The following COL4A2 variants were observed in gnomAD, a reference collection of about 807,000 sequenced individuals.
The protein encoded by COL4A2 is collagen type IV alpha 2 chain.
Under a neutral mutation model 200.2 loss-of-function variants are expected in COL4A2, and 99 were observed. The ratio of observed to expected loss-of-function variants is 0.49; its 90% CI spans 0.42 to 0.58. The LOEUF (loss-of-function observed/expected upper bound fraction) is 0.58. Among genes scored for constraint, COL4A2 ranks in the 20% least tolerant of loss-of-function variants. The pLI is 0.00. For synonymous variants in COL4A2, 897 were observed against 900.6 expected, an observed-to-expected ratio of 1.00 and a Z score of 0.07; for missense variants, 1,950 against 2,314.1, an observed-to-expected ratio of 0.84 and a Z score of 3.23.
chr13:110,385,242 A>G (rs1878641787), intron 4 of COL4A2, among the ~76,000 whole-genome samples: 3 of 152,084 alleles, frequency 2.0e-5, no homozygotes, highest in Non-Finnish European at 4.4e-5. Context: ...AGCCTGGGCA[A>G]CAGAGTGAGA....
At chr13:110,510,752 CTT>C (rs1161269760) in intron 47 of COL4A2, among the ~76,000 whole-genome samples, 2 of 152,244 alleles carry the variant, frequency 1.3e-5, no homozygotes, top group African/African-American at 4.8e-5. Context: ...GCCTCTAAGA[CTT>C]CTCACATTGT....
At chr13:110,496,207 C>T (rs1883448474) in intron 40 of COL4A2, among the ~76,000 whole-genome samples, 1 of 152,228 alleles carries the variant, frequency 6.6e-6, no homozygotes, top group Non-Finnish European at 1.5e-5. Flanking sequence ...CTGAGTTTTT[C>T]TAGTGCCAAT....
In COL4A2 at chr13:110,491,297, C is replaced by A; in HGVS notation, c.3411C>A (p.Gly1137=). ...ACATCGGCTTCCCTGGGATAACAGGCGTGACTGGAGTCCAAGGCCCTCCTG... is the reference window on the plus strand; with the variant it reads ...ACATCGGCTTCCCTGGGATAACAGGAGTGACTGGAGTCCAAGGCCCTCCTG... ...EGDIGFPGIT[G]VTGVQGPPGL... Residue 1137 remains glycine (G), a synonymous_variant, in exon 37 of 48, where the codon GGC becomes GGA. Coordinates refer to ENST00000360467, the MANE Select transcript of COL4A2 (RefSeq NM_001846.4). The A allele has an allele frequency of 1.3e-6, 2 of 1,598,520 alleles. No homozygotes were observed. Among genetic ancestry groups the A allele is most frequent in the East Asian group, 2.3e-5 (1 of 44,326 alleles).
At chr13:110,483,835 C>CTTGGTGCAACAA (rs1019096978) in intron 32 of COL4A2, among the ~76,000 whole-genome samples, 3 of 152,196 alleles carry the variant, frequency 2.0e-5, no homozygotes, top group Non-Finnish European at 4.4e-5. Flanking sequence ...TCAAGTTAGA[C>CTTGGTGCAACAA]GGTGCTGCTT....
intron 4 of COL4A2, among the ~76,000 whole-genome samples, chr13:110,419,178 G>T (rs1880152391): frequency 6.6e-6 from 1 of 152,168 alleles, no homozygotes; most frequent in Non-Finnish European, 1.5e-5. Context: ...GCGTCTGCTG[G>T]GCGCCAGTGC....
chr13:110,362,488 AT>A (rs35902884), intron 4 of COL4A2, among the ~76,000 whole-genome samples: 50,458 of 145,998 alleles, frequency 0.35, 9,105 homozygotes, highest in East Asian at 0.73. Flanking sequence ...TGATTTTTGT[AT>A]TTTTTTTTTT....
chr13:110,486,198 G>A (rs956129484), intron 34 of COL4A2, among the ~76,000 whole-genome samples: 16 of 152,200 alleles, frequency 1.1e-4, no homozygotes, highest in South Asian at 2.1e-4. Flanking sequence ...GAATCACAGC[G>A]TAGACCTGGG....
rs3803238 is a variant in COL4A2 at position 110,465,221 on chromosome 13, A to G, written c.1777-184A>G. Reference sequence around the variant, plus strand: ...CTTCCGTGGCATTGCTTAGACTGCTACACAGTCTGTCACTGGCTCCTGTGA... The same window carrying G: ...CTTCCGTGGCATTGCTTAGACTGCTGCACAGTCTGTCACTGGCTCCTGTGA... On this transcript the variant is annotated intron_variant, in intron 24 of 47. Coordinates refer to ENST00000360467, the MANE Select transcript of COL4A2 (RefSeq NM_001846.4). Among the ~76,000 whole-genome samples the G allele has an allele frequency of 0.58, 88,571 of 151,980 alleles. 26,496 individuals are homozygous for G. Among genetic ancestry groups the G allele is most frequent in the Middle Eastern group, 0.73 (214 of 294 alleles).
Position 110,307,838 on chromosome 13 carries a change from T to TC in COL4A2, c.-44-21dup, listed in dbSNP as rs1449684034. On this transcript the variant is annotated intron_variant, in intron 1 of 47. Transcript: ENST00000360467. This position sits in a 1 kb window ranked among gnomAD's most constrained non-coding sequence, Gnocchi z 5.0. Reference sequence around the variant, plus strand: ...CTGCCTCCCTCATCCTGCGCTAAACTCGCTTTGTCTGTCGCCTCTAGGCTA... The same window carrying TC: ...CTGCCTCCCTCATCCTGCGCTAAACTCCGCTTTGTCTGTCGCCTCTAGGCTA... 1 of 1,547,726 alleles carries TC rather than the reference T, an allele frequency of 6.5e-7. No homozygotes were observed. Among genetic ancestry groups the TC allele is most frequent in the Non-Finnish European group, 8.7e-7 (1 of 1,142,886 alleles).
chr13:110,360,486 G>A (rs1420859792), intron 4 of COL4A2, among the ~76,000 whole-genome samples: 1 of 152,176 alleles, frequency 6.6e-6, no homozygotes. Flanking sequence ...GAGGTTATTA[G>A]GAGGGGATTT....
chr13:110,462,459 A>T, intron 24 of COL4A2, 75 bp downstream of exon 24: 1 of 1,492,354 alleles, frequency 6.7e-7, no homozygotes, highest in Non-Finnish European at 9.2e-7. Flanking sequence ...CCCAGAAGCA[A>T]ACAGTATTGA....
chr13:110,474,343 G>A (rs1290036544), intron 29 of COL4A2, among the ~76,000 whole-genome samples: 3 of 152,202 alleles, frequency 2.0e-5, no homozygotes, highest in Non-Finnish European at 2.9e-5. Context: ...ACTGGCAGGC[G>A]AACCCATGAA....
rs142347243 is a variant in COL4A2, at chr13:110,371,545, C to T, written c.180+13993C>T. 2.3e-3 allele frequency among the ~76,000 whole-genome samples: 355 copies of T among 152,146 alleles called. 1 individual carries two copies. Among genetic ancestry groups the T allele is most frequent in the African/African-American group, 7.9e-3 (326 of 41,486 alleles). ...TTATCTGAGAACTTAAAATGAAACCCAGTGTGTGTTTTTTTAATGTCCTGC... is the reference window on the plus strand; with the variant it reads ...TTATCTGAGAACTTAAAATGAAACCTAGTGTGTGTTTTTTTAATGTCCTGC... On this transcript the variant is annotated intron_variant, in intron 4 of 47. Transcript: ENST00000360467.
chr13:110,427,804 A>G (rs554741214), intron 6 of COL4A2, among the ~76,000 whole-genome samples: 1 of 152,254 alleles, frequency 6.6e-6, no homozygotes, highest in African/African-American at 2.4e-5. Context: ...ATTTCAGAAA[A>G]CCTGACTTGC....
intron 44 of COL4A2, 26 bp downstream of exon 44, chr13:110,504,019 GCCC>G: frequency 6.4e-7 from 1 of 1,550,990 alleles, no homozygotes; most frequent in Non-Finnish European, 8.7e-7. Context: ...GGGGCCTGGA[GCCC>G]CTCGGGGCTG....
At position 110,508,324 on chromosome 13, in the gene COL4A2, G is replaced by A. The variant is rs554899912; in HGVS notation, c.4881+103G>A. The A allele has an allele frequency of 5.9e-6, 9 of 1,537,720 alleles. 1 individual carries two copies. In the South Asian group the frequency reaches 9.9e-5, roughly 17 times the overall value. On this transcript the variant is annotated intron_variant, in intron 47 of 47. Coordinates refer to ENST00000360467, the MANE Select transcript of COL4A2 (RefSeq NM_001846.4). This position sits in a 1 kb window ranked among gnomAD's most constrained non-coding sequence, Gnocchi z 6.1. ...AGAATCAGACACGGCAGTCCAGGGTGTGCACTGCACAAGGGTAGTTGGCCC... is the reference window on the plus strand; with the variant it reads ...AGAATCAGACACGGCAGTCCAGGGTATGCACTGCACAAGGGTAGTTGGCCC...
intron 3 of COL4A2, among the ~76,000 whole-genome samples, chr13:110,328,741 G>C (rs577659695): frequency 6.6e-6 from 1 of 152,204 alleles, no homozygotes; most frequent in Non-Finnish European, 1.5e-5. Context: ...CCAGAGAGAC[G>C]GGCGGGCTCC....
Position 110,484,633 on chromosome 13 carries a change from G to A in COL4A2, c.2903-272G>A, listed in dbSNP as rs987668665. ...TATGGGAGTCACACTGGCTTTGACCGCTCCCTCTGCATCTGCTGGCAGGCA... is the reference window on the plus strand; with the variant it reads ...TATGGGAGTCACACTGGCTTTGACCACTCCCTCTGCATCTGCTGGCAGGCA... On this transcript the variant is annotated intron_variant, in intron 32 of 47. Coordinates refer to ENST00000360467, the MANE Select transcript of COL4A2 (RefSeq NM_001846.4). Among the ~76,000 whole-genome samples the A allele has an allele frequency of 7.9e-5, 12 of 152,082 alleles. No homozygotes were observed. The East Asian group carries it at 9.6e-4, about 12-fold the overall frequency.
At chr13:110,331,936 A>T (rs1875934753) in intron 3 of COL4A2, among the ~76,000 whole-genome samples, 1 of 150,824 alleles carries the variant, frequency 6.6e-6, no homozygotes. Flanking sequence ...ACCTTTTTTC[A>T]CTCTGTCTTT....
Sources: gnomAD v4.1 joint callset for allele counts (sites outside exome capture counted in the v4.1 genomes callset) on GRCh38, gnomAD v4.1.1 for gene constraint, Gnocchi (gnomAD v3.1) non-coding constraint, MANE v1.5 for transcripts, NCBI Gene and HGNC (gene_info 2026-07-23, HGNC 2026-07-21) for gene names.